Variants in SUPT3H observed in about 807,000 individuals in gnomAD.
SUPT3H encodes the protein SPT3 homolog, SAGA and STAGA complex component, also known as transcription initiation protein SPT3 homolog.
In SUPT3H, 44 loss-of-function variants were observed where a neutral mutation model predicts 44.3. That is an observed-to-expected ratio of 0.99 (90% CI 0.78 to 1.28). The LOEUF is 1.28. SUPT3H is among the 50% of genes most tolerant of loss of function. The pLI is 0.00. For missense variants in SUPT3H, 380 were observed against 387.1 expected, an observed-to-expected ratio of 0.98 and a Z score of 0.15; for synonymous variants, 124 against 125.6, an observed-to-expected ratio of 0.99 and a Z score of 0.09.
chr6:44,976,268 TAACA>T (rs1778324076), intron 6 of SUPT3H, among the ~76,000 whole-genome samples: 1 of 152,120 alleles, frequency 6.6e-6, no homozygotes, highest in Non-Finnish European at 1.5e-5. Context: ...AGAATAATCA[TAACA>T]ATCAAAAATG....
At chr6:45,159,747 T>C (rs750925270) in intron 2 of SUPT3H, among the ~76,000 whole-genome samples, 26 of 152,214 alleles carry the variant, frequency 1.7e-4, no homozygotes, top group Non-Finnish European at 3.1e-4. Flanking sequence ...TCCTTATTAC[T>C]TTTTTGGTTT....
chr6:44,892,950 T>A (rs530658190), intron 10 of SUPT3H, among the ~76,000 whole-genome samples: 100 of 152,262 alleles, frequency 6.6e-4, no homozygotes, highest in African/African-American at 2.2e-3. Context: ...TCTTTTTTTT[T>A]AAACCCACAA....
chr6:45,288,276 G>T (rs1456837530), intron 2 of SUPT3H, among the ~76,000 whole-genome samples: 3 of 151,404 alleles, frequency 2.0e-5, no homozygotes, highest in Non-Finnish European at 4.4e-5. Context: ...TATCTTTTAG[G>T]GATTATAACT....
At chr6:44,840,161 C>T (rs1392632090) in intron 10 of SUPT3H, among the ~76,000 whole-genome samples, 2 of 152,232 alleles carry the variant, frequency 1.3e-5, no homozygotes, top group Non-Finnish European at 2.9e-5. Context: ...TAAATTCTAC[C>T]TTTATGTATT....
chr6:45,061,109 G>A (rs955241237), intron 3 of SUPT3H, among the ~76,000 whole-genome samples: 1 of 152,026 alleles, frequency 6.6e-6, no homozygotes, highest in Admixed American at 6.5e-5. Flanking sequence ...TATACTCAAA[G>A]GAATATAAAT....
intron 10 of SUPT3H, among the ~76,000 whole-genome samples, chr6:44,841,632 T>C (rs1770956994): frequency 6.6e-6 from 1 of 152,250 alleles, no homozygotes; most frequent in Non-Finnish European, 1.5e-5. Flanking sequence ...GTAAATTTTA[T>C]TAATCACGAT....
intron 7 of SUPT3H, among the ~76,000 whole-genome samples, chr6:44,958,358 C>A (rs1775520811): frequency 6.6e-6 from 1 of 152,162 alleles, no homozygotes; most frequent in Non-Finnish European, 1.5e-5. Flanking sequence ...CTATCCCATC[C>A]CTTCCCAACA....
chr6:45,264,087 T>C (rs868426742), intron 2 of SUPT3H, among the ~76,000 whole-genome samples: 25 of 152,272 alleles, frequency 1.6e-4, no homozygotes, highest in Non-Finnish European at 2.6e-4. Flanking sequence ...AACATTGTGG[T>C]GGTACACCAG....
At chr6:45,341,636 G>A (rs1308285356) in intron 2 of SUPT3H, among the ~76,000 whole-genome samples, 1 of 152,082 alleles carries the variant, frequency 6.6e-6, no homozygotes, top group Non-Finnish European at 1.5e-5. Context: ...TAAGACTCGA[G>A]GTAACAAAAA....
intron 10 of SUPT3H, among the ~76,000 whole-genome samples, chr6:44,833,554 C>T (rs985212442): frequency 6.6e-6 from 1 of 151,984 alleles, no homozygotes. Flanking sequence ...AACTTACTTA[C>T]ACTTTCGAAA....
chr6:45,152,627 A>C (rs1371782771), intron 2 of SUPT3H, among the ~76,000 whole-genome samples: 1 of 151,910 alleles, frequency 6.6e-6, no homozygotes, highest in Non-Finnish European at 1.5e-5. Context: ...GAGTAACTAG[A>C]CTACAGGTGT....
chr6:45,158,485 A>G (rs1200836649), intron 2 of SUPT3H, among the ~76,000 whole-genome samples: 4 of 151,526 alleles, frequency 2.6e-5, no homozygotes. Context: ...AAGGAACACT[A>G]GTTCACAGCC....
intron 9 of SUPT3H, among the ~76,000 whole-genome samples, chr6:44,936,326 C>A (rs543130300): frequency 6.6e-6 from 1 of 152,192 alleles, no homozygotes; most frequent in African/African-American, 2.4e-5. Flanking sequence ...TCTTATATAA[C>A]TAGAAAAAGC....
chr6:44,903,213 A>C lies in SUPT3H; in HGVS notation c.912+29440T>G, dbSNP rs182778876. Among the ~76,000 whole-genome samples, 397 of 152,340 alleles carry C rather than the reference A, an allele frequency of 2.6e-3. 2 individuals are homozygous for C. The highest frequency in any genetic ancestry group is 8.6e-3 in the African/African-American group (357 of 41,570). On this transcript the variant is annotated intron_variant, in intron 10 of 10. Coordinates refer to ENST00000371459, the MANE Select transcript of SUPT3H (RefSeq NM_003599.4). ...GACTGAAGGAGATAGAGACACAAAA[A>C]ACCCTTCAAAAAATCAATGAATCCA... is the stretch of plus-strand genomic sequence containing the variant.
At chr6:45,287,886 C>T (rs1779581635) in intron 2 of SUPT3H, among the ~76,000 whole-genome samples, 1 of 152,310 alleles carries the variant, frequency 6.6e-6, no homozygotes, top group East Asian at 1.9e-4. Context: ...CAACTTACCA[C>T]ACTTAGTTCT....
At chr6:45,299,668 C>T (rs951317798) in intron 2 of SUPT3H, among the ~76,000 whole-genome samples, 3 of 151,214 alleles carry the variant, frequency 2.0e-5, no homozygotes, top group African/African-American at 7.3e-5. Context: ...AATCCCAACA[C>T]TTTGGGGAGG....
At chr6:45,336,821 G>GTTT (rs552969441) in intron 2 of SUPT3H, among the ~76,000 whole-genome samples, 1 of 151,400 alleles carries the variant, frequency 6.6e-6, no homozygotes, top group South Asian at 2.1e-4. Context: ...TTCTACCTCT[G>GTTT]TTTTAAACTT....
At chr6:45,202,011 G>T (rs979525700) in intron 2 of SUPT3H, among the ~76,000 whole-genome samples, 3 of 151,836 alleles carry the variant, frequency 2.0e-5, no homozygotes, top group African/African-American at 7.2e-5. Flanking sequence ...GATTTCCAAA[G>T]TTAGGAAACC....
intron 10 of SUPT3H, among the ~76,000 whole-genome samples, chr6:44,842,426 T>C (rs990879533): frequency 1.3e-5 from 2 of 152,114 alleles, no homozygotes; most frequent in East Asian, 3.8e-4. Flanking sequence ...TTAACATTTA[T>C]TTAGAAATAA....
Sources: gnomAD v4.1 joint callset for allele counts (sites outside exome capture counted in the v4.1 genomes callset) on GRCh38, gnomAD v4.1.1 for gene constraint, MANE v1.5 for transcripts, NCBI Gene and HGNC (gene_info 2026-07-23, HGNC 2026-07-21) for gene names.